The following IP6K1 variants were observed in gnomAD, a reference collection of about 807,000 sequenced individuals.
IP6K1 encodes ATP:1D-myo-inositol-hexakisphosphate phosphotransferase.
In IP6K1, 13 loss-of-function variants were observed where a neutral mutation model predicts 38.3. That is an observed-to-expected ratio of 0.34 (90% CI 0.22 to 0.54). IP6K1 has a LOEUF of 0.54. Among genes scored for constraint, IP6K1 ranks in the 20% least tolerant of loss-of-function variants. IP6K1 has a pLI of 0.92. For missense variants in IP6K1, 397 were observed against 599.8 expected, an observed-to-expected ratio of 0.66 and a Z score of 3.53; for synonymous variants, 212 against 229.9, an observed-to-expected ratio of 0.92 and a Z score of 0.70.
rs542513062 is a variant in IP6K1 at position 49,772,228 on chromosome 3, T to A, written c.-129+14126A>T. 5.1e-3 allele frequency among the ~76,000 whole-genome samples: 744 copies of A among 145,712 alleles called. 5 individuals carry two copies. Among genetic ancestry groups the A allele is most frequent in the African/African-American group, 0.018 (690 of 39,374 alleles). On this transcript the variant is annotated intron_variant, in intron 1 of 5. Transcript: ENST00000321599. ...ACCCTTTCCCTTAAAAAAAAAAATATATATATATATATATGTGTGTGTGTG... is the reference window on the plus strand; with the variant it reads ...ACCCTTTCCCTTAAAAAAAAAAATAAATATATATATATATGTGTGTGTGTG...
intron 1 of IP6K1, among the ~76,000 whole-genome samples, chr3:49,781,546 A>T (rs2108266136): frequency 6.6e-6 from 1 of 152,346 alleles, no homozygotes; most frequent in South Asian, 2.1e-4. Flanking sequence ...GCAAAAGGTC[A>T]TCTCCACAGG....
intron 1 of IP6K1, among the ~76,000 whole-genome samples, chr3:49,758,941 T>A (rs1200069627): frequency 8.4e-6 from 1 of 118,994 alleles, no homozygotes; most frequent in Non-Finnish European, 1.8e-5. Flanking sequence ...AGCGAGACTC[T>A]GTCTCAAAAA....
chr3:49,742,715 A>G (rs986275315), intron 2 of IP6K1, among the ~76,000 whole-genome samples: 10 of 151,954 alleles, frequency 6.6e-5, no homozygotes, highest in African/African-American at 2.4e-4. Context: ...CCTGGGCAAC[A>G]TGGTGAGACC....
At chr3:49,749,424 TGAGTGTATTTTTA>T (rs1435434103) in intron 1 of IP6K1, among the ~76,000 whole-genome samples, 1 of 152,218 alleles carries the variant, frequency 6.6e-6, no homozygotes, top group African/African-American at 2.4e-5. Flanking sequence ...TTCTTAACAC[TGAGTGTATTTTTA>T]AATTAGGAAT....
At chr3:49,775,426 G>T in intron 1 of IP6K1, 3 of 451,786 alleles carry the variant, frequency 6.6e-6, no homozygotes, top group South Asian at 3.3e-5. Context: ...TGTGATGAGT[G>T]TAACTACGTA....
chr3:49,774,941 C>T (rs1227149330), intron 1 of IP6K1, among the ~76,000 whole-genome samples: 1 of 150,948 alleles, frequency 6.6e-6, no homozygotes, highest in Non-Finnish European at 1.5e-5. Flanking sequence ...TTTTCATTAA[C>T]CAATTAATAT....
At chr3:49,732,668 G>A (rs982411685) in intron 4 of IP6K1, 123 bp downstream of exon 4, 92 of 698,498 alleles carry the variant, frequency 1.3e-4, no homozygotes, top group African/African-American at 1.3e-3. Context: ...AGGAGTCCAT[G>A]AAAAAGGGAG....
chr3:49,729,342 T>C (rs1248058263), intron 4 of IP6K1, among the ~76,000 whole-genome samples: 1 of 152,166 alleles, frequency 6.6e-6, no homozygotes, highest in Admixed American at 6.5e-5. Flanking sequence ...AACTTTTTTG[T>C]TGTTGTTTTT....
Position 49,727,319 on chromosome 3 carries a change from T to C in IP6K1, c.1129A>G (p.Ser377Gly). The C allele has an allele frequency of 6.2e-7, 1 of 1,614,150 alleles. No homozygotes were observed. Among genetic ancestry groups the C allele is most frequent in the Non-Finnish European group, 8.5e-7 (1 of 1,180,016 alleles). Reference sequence around the variant, plus strand: ...GCCTCGGGGCTGGTGTTGCTGGGGCTGGTGCTGGGGCCACAGGATGACGCC... The same window carrying C: ...GCCTCGGGGCTGGTGTTGCTGGGGCCGGTGCTGGGGCCACAGGATGACGCC... ...EVASSCGPST[S>G]PSNTSPEAGP... Residue 377 changes from serine to glycine, a missense_variant, in exon 6 of 6, where the codon AGC (serine) becomes GGC (glycine). Around this residue, in one of 3 missense-constraint regions of IP6K1, gnomAD observed 164 missense variants for 213.5 expected, o/e 0.77. Transcript: ENST00000321599. This position sits in a 1 kb window ranked among gnomAD's most constrained non-coding sequence, Gnocchi z 5.9.
chr3:49,731,649 T>C (rs2080562626), intron 4 of IP6K1, among the ~76,000 whole-genome samples: 1 of 151,992 alleles, frequency 6.6e-6, no homozygotes, highest in Admixed American at 6.6e-5. Flanking sequence ...GTACAAAAGG[T>C]TCAGCACACT....
chr3:49,785,098 G>C (rs1458697986), intron 1 of IP6K1, among the ~76,000 whole-genome samples: 1 of 152,164 alleles, frequency 6.6e-6, no homozygotes, highest in African/African-American at 2.4e-5. Context: ...GTGTTTTGGA[G>C]CAATGAGAAC....
intron 1 of IP6K1, among the ~76,000 whole-genome samples, chr3:49,771,685 C>G (rs766770161): frequency 2.6e-5 from 4 of 152,136 alleles, no homozygotes; most frequent in African/African-American, 9.7e-5. Flanking sequence ...TATGACCCAG[C>G]AATTCTAGTC....
intron 2 of IP6K1, among the ~76,000 whole-genome samples, chr3:49,741,399 G>A (rs1322232364): frequency 6.6e-6 from 1 of 152,004 alleles, no homozygotes; most frequent in Admixed American, 6.6e-5. Context: ...TTTTGGTTTT[G>A]ATTTGCATTT....
intron 1 of IP6K1, 66 bp downstream of exon 1, chr3:49,786,288 C>T (rs1349000097): frequency 6.6e-6 from 1 of 152,334 alleles, no homozygotes; most frequent in African/African-American, 2.4e-5. Flanking sequence ...CACTCCAACC[C>T]CGCGCCCGCC....
intron 1 of IP6K1, among the ~76,000 whole-genome samples, chr3:49,770,190 T>C (rs1354657527): frequency 1.3e-5 from 2 of 152,174 alleles, no homozygotes; most frequent in Non-Finnish European, 2.9e-5. Context: ...TCTGAATTCC[T>C]AGCCCTCAGA....
At chr3:49,728,635 G>C (rs1674020031) in intron 4 of IP6K1, among the ~76,000 whole-genome samples, 1 of 151,966 alleles carries the variant, frequency 6.6e-6, no homozygotes, top group South Asian at 2.1e-4. Context: ...GAGTGCCCTG[G>C]AGTGATCTCG....
chr3:49,738,560 A>G, intron 2 of IP6K1, 138 bp from the exon 3 acceptor site: 1 of 668,946 alleles, frequency 1.5e-6, no homozygotes, highest in South Asian at 1.7e-5. Flanking sequence ...TATCAGAACA[A>G]CAGCCAGCAG....
At chr3:49,734,386 C>T (rs190568628) in intron 3 of IP6K1, among the ~76,000 whole-genome samples, 1 of 142,350 alleles carries the variant, frequency 7.0e-6, no homozygotes, top group South Asian at 2.3e-4. Context: ...GGAACATTAC[C>T]GTAATTTCTT....
intron 1 of IP6K1, among the ~76,000 whole-genome samples, chr3:49,784,838 G>A (rs957219338): frequency 3.9e-5 from 6 of 151,988 alleles, no homozygotes; most frequent in East Asian, 1.9e-4. Flanking sequence ...CCAGCTACTC[G>A]GGAGGCTGAG....
Sources: gnomAD v4.1 joint callset for allele counts (sites outside exome capture counted in the v4.1 genomes callset) on GRCh38, gnomAD v4.1.1 for gene constraint, gnomAD v4.1.1 regional missense constraint, Gnocchi (gnomAD v3.1) non-coding constraint, MANE v1.5 for transcripts, NCBI Gene and HGNC (gene_info 2026-07-23, HGNC 2026-07-21) for gene names.